The following CSMD2 variants were observed in gnomAD, a reference collection of about 807,000 sequenced individuals.
The protein encoded by CSMD2 is CUB and sushi domain-containing protein 2.
In CSMD2, 130 loss-of-function variants were observed where a neutral mutation model predicts 398.5. The ratio of observed to expected loss-of-function variants is 0.33; its 90% CI spans 0.28 to 0.38. The LOEUF (loss-of-function observed/expected upper bound fraction) is 0.38, where lower values mean the gene tolerates loss of function less well. Ranked by LOEUF, CSMD2 falls within the 10% of genes least tolerant of loss-of-function variation. CSMD2 has a pLI of 1.00. For missense variants in CSMD2, 3,829 were observed against 4,764.9 expected (o/e 0.80, Z 5.78); for synonymous variants, 1,828 against 1,908.5 (o/e 0.96, Z 1.10).
chr1:33,917,975 A>C, intron 5 of CSMD2, 119 bp downstream of exon 5: 1 of 777,190 alleles, frequency 1.3e-6, no homozygotes, highest in Non-Finnish European at 2.1e-6. Flanking sequence ...AACAGTAGGT[A>C]TAAGGAAGTG....
intron 21 of CSMD2, among the ~76,000 whole-genome samples, chr1:33,711,960 G>A (rs1646006625): frequency 6.6e-6 from 1 of 152,204 alleles, no homozygotes; most frequent in Non-Finnish European, 1.5e-5. Context: ...TTGCTTCCGG[G>A]AGAGTCTCCA....
intron 5 of CSMD2, chr1:33,861,467 T>A (rs1639500714): frequency 6.6e-6 from 1 of 152,172 alleles, no homozygotes; most frequent in African/African-American, 2.4e-5. Context: ...CTGGAGGTCA[T>A]CTCATAATCT....
At chr1:33,545,884 G>T (rs529805811) in intron 57 of CSMD2, among the ~76,000 whole-genome samples, 153 bp downstream of exon 57, 1 of 152,336 alleles carries the variant, frequency 6.6e-6, no homozygotes, top group African/African-American at 2.4e-5. Context: ...AAATGCACAT[G>T]AATTATCTGT....
chr1:33,915,298 G>C (rs748758989), intron 5 of CSMD2, among the ~76,000 whole-genome samples: 13 of 152,138 alleles, frequency 8.5e-5, no homozygotes, highest in Admixed American at 3.3e-4. Flanking sequence ...AATTTTTACA[G>C]GAATCCAGGG....
Position 33,546,044 on chromosome 1 carries a change from C to T in CSMD2, c.9093G>A (p.Glu3031=). The change falls in exon 57 of 71, where the codon GAG becomes GAA. Residue 3031 remains glutamate, a synonymous_variant. Transcript: ENST00000373381. ...AATGGTCACATACATTACCTCCACA[C>T]TCAGGCTGCGAGCCGCTCCACGAGC... The part of the protein sequence containing the change: ...ANGSWSGSQP[E]CGVISCGNPG... The T allele has an allele frequency of 1.9e-6, 3 of 1,612,442 alleles. No individual in the cohort carries two copies. Among genetic ancestry groups the T allele is most frequent in the Non-Finnish European group, 1.7e-6 (2 of 1,178,874 alleles).
At chr1:33,657,104 C>T (rs906085039) in intron 27 of CSMD2, among the ~76,000 whole-genome samples, 2 of 152,166 alleles carry the variant, frequency 1.3e-5, no homozygotes, top group African/African-American at 4.8e-5. Flanking sequence ...AGGCCCCACC[C>T]TTTTTAAGTG....
At chr1:33,743,893 C>T (rs565567444) in intron 13 of CSMD2, among the ~76,000 whole-genome samples, 3 of 152,226 alleles carry the variant, frequency 2.0e-5, no homozygotes, top group Admixed American at 1.3e-4. Flanking sequence ...AGGATGCGGC[C>T]CAGATTTTTA....
intron 3 of CSMD2, among the ~76,000 whole-genome samples, chr1:34,000,413 AT>A (rs1211459912): frequency 6.6e-6 from 1 of 152,160 alleles, no homozygotes; most frequent in East Asian, 1.9e-4. Flanking sequence ...TGAGACATCC[AT>A]CCCCAAACCA....
intron 28 of CSMD2, among the ~76,000 whole-genome samples, chr1:33,650,369 G>GA (rs1643690037): frequency 6.6e-6 from 1 of 152,216 alleles, no homozygotes; most frequent in Admixed American, 6.5e-5. Flanking sequence ...ATTTATGGAG[G>GA]AAATCAAGCC....
chr1:33,607,462 T>G (rs1640693407), intron 41 of CSMD2, among the ~76,000 whole-genome samples: 1 of 151,926 alleles, frequency 6.6e-6, no homozygotes, highest in African/African-American at 2.4e-5. Flanking sequence ...AGGAAAAACC[T>G]GGGGAGAGTG....
At chr1:33,714,279 A>T (rs1646087781) in intron 21 of CSMD2, among the ~76,000 whole-genome samples, 1 of 152,310 alleles carries the variant, frequency 6.6e-6, no homozygotes. Context: ...CTGTGTGCTG[A>T]GGGTGGGGAG....
chr1:33,658,137 A>G lies in CSMD2; in HGVS notation c.4256T>C (p.Val1419Ala). Residue 1419 changes from valine (V) to alanine (A), a missense_variant and splice_region_variant, in exon 27 of 71, where the codon GTG becomes GCG. Coordinates refer to ENST00000373381, the MANE Select transcript of CSMD2 (RefSeq NM_001281956.2). ...GTCATTGCAGGACGTTGCTGTGGAC[A>G]CTGGGGCAAGGAAATAGAAGAGAGG... ...SKQGFAIQFSVSTATSCNDPG... is the reference protein window; with the variant it reads ...SKQGFAIQFSASTATSCNDPG... 1 of 1,611,930 alleles carries G rather than the reference A, an allele frequency of 6.2e-7. No homozygotes were observed. The highest frequency in any genetic ancestry group is 8.5e-7 in the Non-Finnish European group (1 of 1,178,204).
At chr1:33,696,078 T>C (rs1298434190) in intron 24 of CSMD2, among the ~76,000 whole-genome samples, 1 of 152,244 alleles carries the variant, frequency 6.6e-6, no homozygotes, top group African/African-American at 2.4e-5. Flanking sequence ...TGGCACATTA[T>C]AGATGCTTAA....
At chr1:33,661,505 C>A (rs769878148) in intron 26 of CSMD2, among the ~76,000 whole-genome samples, 15 of 152,160 alleles carry the variant, frequency 9.9e-5, no homozygotes, top group Non-Finnish European at 1.9e-4. Flanking sequence ...CTCAGAGGCC[C>A]CATATTGCAG....
chr1:33,612,783 A>G (rs1641100739), intron 40 of CSMD2, among the ~76,000 whole-genome samples: 1 of 151,346 alleles, frequency 6.6e-6, no homozygotes, highest in Non-Finnish European at 1.5e-5. Context: ...CCGGGTTCAC[A>G]CCATTCTCCT....
At chr1:33,852,137 G>T (rs1638755336) in intron 5 of CSMD2, among the ~76,000 whole-genome samples, 1 of 150,690 alleles carries the variant, frequency 6.6e-6, no homozygotes, top group Non-Finnish European at 1.5e-5. Context: ...ACCCAACCCA[G>T]GCAGCATCCT....
rs937680567 is a variant in CSMD2 at position 33,636,128 on chromosome 1, T to C, written c.4969+232A>G. Among the ~76,000 whole-genome samples, 1 of 152,132 alleles carries C rather than the reference T, an allele frequency of 6.6e-6. No individual in the cohort carries two copies. The highest frequency in any genetic ancestry group is 1.5e-5 in the Non-Finnish European group (1 of 68,018). On this transcript the variant is annotated intron_variant, in intron 30 of 70. Transcript: ENST00000373381. The surrounding 1 kb of genome is among the most constrained non-coding windows in gnomAD (Gnocchi z 4.8). The stretch of plus-strand genomic sequence containing the variant: ...CCTCTGTTGAGGGCATGAGCATCTA[T>C]GTGAATGGGGGTAGGGACACCATGG...
At chr1:33,580,090 G>A (rs1638587880) in intron 48 of CSMD2, among the ~76,000 whole-genome samples, 1 of 151,912 alleles carries the variant, frequency 6.6e-6, no homozygotes. Flanking sequence ...ACCCCCCATG[G>A]TCTTAAGTAA....
At chr1:34,003,292 C>CT (rs772043253) in intron 3 of CSMD2, among the ~76,000 whole-genome samples, 1 of 152,168 alleles carries the variant, frequency 6.6e-6, no homozygotes, top group Non-Finnish European at 1.5e-5. Flanking sequence ...GGATTAATCT[C>CT]TGAGAACAAG....
Sources: gnomAD v4.1 joint callset for allele counts (sites outside exome capture counted in the v4.1 genomes callset) on GRCh38, gnomAD v4.1.1 for gene constraint, Gnocchi (gnomAD v3.1) non-coding constraint, MANE v1.5 for transcripts, NCBI Gene and HGNC (gene_info 2026-07-23, HGNC 2026-07-21) for gene names.